The following FAM117B variants were observed in gnomAD, a reference collection of about 807,000 sequenced individuals.
The protein encoded by FAM117B is family with sequence similarity 117 member B, also known as protein FAM117B.
Under a neutral mutation model 52.8 loss-of-function variants are expected in FAM117B, and 22 were observed. The observed-to-expected ratio is 0.42, with a 90% CI of 0.30 to 0.59. The LOEUF (loss-of-function observed/expected upper bound fraction) is 0.59. FAM117B is among the 20% of genes least tolerant of loss of function. The pLI, the probability that FAM117B is intolerant of heterozygous loss-of-function variation, is 0.22. For synonymous variants in FAM117B, 309 were observed against 324.1 expected (o/e 0.95, Z 0.50); for missense variants, 678 against 802.6 (o/e 0.84, Z 1.88).
At chr2:202,691,698 T>TGTGTGTGTGCGC (rs1476079292) in intron 1 of FAM117B, among the ~76,000 whole-genome samples, 13 of 131,162 alleles carry the variant, frequency 9.9e-5, no homozygotes, top group African/African-American at 2.8e-4. Flanking sequence ...TGTGTGTGTG[T>TGTGTGTGTGCGC]GCGCGCGCGC....
rs189036680 is a variant in FAM117B, at chr2:202,668,795, T to C, written c.602-27086T>C. Among the ~76,000 whole-genome samples, 648 of 152,244 alleles carry C rather than the reference T, an allele frequency of 4.3e-3. 2 individuals are homozygous for C. The highest frequency in any genetic ancestry group is 7.4e-3 in the Non-Finnish European group (503 of 68,004). ...ATTAAATATATGCCTCTAAGGGCTGTGTTTATTTCCATTTCATAAATGAGA... is the reference window on the plus strand; with the variant it reads ...ATTAAATATATGCCTCTAAGGGCTGCGTTTATTTCCATTTCATAAATGAGA... On this transcript the variant is annotated intron_variant, in intron 1 of 7. Transcript: ENST00000392238.
intron 4 of FAM117B, among the ~76,000 whole-genome samples, chr2:202,740,226 G>A (rs896651899): frequency 5.6e-5 from 8 of 142,902 alleles, no homozygotes; most frequent in Non-Finnish European, 1.1e-4. Context: ...CGAGTGTGGT[G>A]GCAAACACCT....
intron 1 of FAM117B, among the ~76,000 whole-genome samples, chr2:202,671,861 A>G (rs1052845670): frequency 3.3e-5 from 5 of 152,144 alleles, no homozygotes; most frequent in Non-Finnish European, 5.9e-5. Flanking sequence ...CATGTTCAAT[A>G]TAGGTTGGGT....
chr2:202,747,246 C>G lies in FAM117B; in HGVS notation c.961-8292C>G, dbSNP rs536689662. ...TCAGCACTCATCCATGGTAAAAACT[C>G]TCAACAAATTAGGCATAGAAGGAAA... On this transcript the variant is annotated intron_variant, in intron 4 of 7. Coordinates refer to ENST00000392238, the MANE Select transcript of FAM117B (RefSeq NM_173511.4). Among the ~76,000 whole-genome samples the G allele has an allele frequency of 3.9e-5, 6 of 152,228 alleles. No individual in the cohort carries two copies. In the South Asian group the frequency reaches 1.2e-3, roughly 32 times the overall value.
At chr2:202,643,180 T>G (rs953098210) in intron 1 of FAM117B, among the ~76,000 whole-genome samples, 12 of 152,132 alleles carry the variant, frequency 7.9e-5, no homozygotes, top group African/African-American at 2.9e-4. Flanking sequence ...GGGTGAAGGG[T>G]GTGCTTAAGC....
intron 2 of FAM117B, among the ~76,000 whole-genome samples, chr2:202,702,536 T>G (rs1690809803): frequency 6.6e-6 from 1 of 152,178 alleles, no homozygotes; most frequent in South Asian, 2.1e-4. Flanking sequence ...GATTGTGACT[T>G]ATTGAAGGCT....
At chr2:202,696,352 G>A (rs1690711900) in intron 2 of FAM117B, among the ~76,000 whole-genome samples, 1 of 151,930 alleles carries the variant, frequency 6.6e-6, no homozygotes, top group East Asian at 1.9e-4. Context: ...TCTTCCCTGG[G>A]CCACATTGGA....
intron 4 of FAM117B, among the ~76,000 whole-genome samples, chr2:202,753,308 C>T (rs1574304738): frequency 6.6e-6 from 1 of 152,158 alleles, no homozygotes; most frequent in African/African-American, 2.4e-5. Flanking sequence ...GGAAAACTGG[C>T]TAGCCATATG....
intron 7 of FAM117B, 108 bp from the exon 8 acceptor site, chr2:202,765,338 A>C: frequency 2.8e-6 from 3 of 1,070,068 alleles, no homozygotes; most frequent in Non-Finnish European, 4.1e-6. Context: ...TCTGTGATGT[A>C]AGTTAACTGT....
intron 2 of FAM117B, among the ~76,000 whole-genome samples, chr2:202,724,175 A>G (rs1012628232): frequency 1.4e-5 from 2 of 146,698 alleles, no homozygotes; most frequent in African/African-American, 5.1e-5. Context: ...CTCCTGCCTC[A>G]GCCTCCTGAG....
At position 202,713,001 on chromosome 2, in the gene FAM117B, T is replaced by A. The variant is rs1051362123; in HGVS notation, c.754-11916T>A. ...AGTGATATTGGCCTATAGTTTTCTT[T>A]CTTTGAAGTGTTTGGTTTTGGTAAC... is the stretch of plus-strand genomic sequence containing the variant. On this transcript the variant is annotated intron_variant, in intron 2 of 7. Coordinates refer to ENST00000392238, the MANE Select transcript of FAM117B (RefSeq NM_173511.4). 2.0e-5 allele frequency among the ~76,000 whole-genome samples: 3 copies of A among 152,232 alleles called. No homozygotes were observed. The South Asian group carries it at 6.2e-4, about 32-fold the overall frequency.
At chr2:202,713,776 G>A (rs191361165) in intron 2 of FAM117B, among the ~76,000 whole-genome samples, 49 of 152,144 alleles carry the variant, frequency 3.2e-4, no homozygotes, top group African/African-American at 1.1e-3. Context: ...GTGTGATCTT[G>A]GCTCACTGCA....
At chr2:202,703,568 C>G (rs1690827840) in intron 2 of FAM117B, among the ~76,000 whole-genome samples, 1 of 152,150 alleles carries the variant, frequency 6.6e-6, no homozygotes, top group South Asian at 2.1e-4. Flanking sequence ...GTTGCCCGGG[C>G]TGGTCTAGAA....
chr2:202,657,247 C>T (rs1465751507), intron 1 of FAM117B, among the ~76,000 whole-genome samples: 1 of 152,010 alleles, frequency 6.6e-6, no homozygotes, highest in Non-Finnish European at 1.5e-5. Context: ...GCCACCAGGC[C>T]CAGCTAGTTT....
intron 1 of FAM117B, among the ~76,000 whole-genome samples, chr2:202,693,155 C>T (rs1176582750): frequency 6.6e-6 from 1 of 152,092 alleles, no homozygotes; most frequent in Non-Finnish European, 1.5e-5. Context: ...AAATTAGTAA[C>T]TTGTTTTAAA....
chr2:202,720,913 AGTT>A (rs1435289016), intron 2 of FAM117B, among the ~76,000 whole-genome samples: 3 of 152,210 alleles, frequency 2.0e-5, no homozygotes, highest in Non-Finnish European at 4.4e-5. Flanking sequence ...TGCCTACTTC[AGTT>A]GTTTTCTTGG....
chr2:202,692,988 G>T (rs1411562397), intron 1 of FAM117B, among the ~76,000 whole-genome samples: 1 of 152,132 alleles, frequency 6.6e-6, no homozygotes, highest in Non-Finnish European at 1.5e-5. Context: ...ATTAAAAAAT[G>T]TACAAGCCAG....
At chr2:202,656,231 G>T (rs1365357437) in intron 1 of FAM117B, among the ~76,000 whole-genome samples, 2 of 151,926 alleles carry the variant, frequency 1.3e-5, no homozygotes, top group South Asian at 4.2e-4. Context: ...CTCTGCTCTC[G>T]TCTTTATTTT....
At chr2:202,638,217 C>T (rs924705783) in intron 1 of FAM117B, among the ~76,000 whole-genome samples, 1 of 152,192 alleles carries the variant, frequency 6.6e-6, no homozygotes, top group Non-Finnish European at 1.5e-5. Flanking sequence ...AAAACTGCTT[C>T]AGTCCTTCAG....
Sources: allele counts gnomAD v4.1 joint callset (sites outside exome capture counted in the v4.1 genomes callset), GRCh38; gene constraint gnomAD v4.1.1; transcripts MANE v1.5; gene names NCBI Gene and HGNC (gene_info 2026-07-23, HGNC 2026-07-21).